Variants in PCGF3 observed in about 807,000 individuals in gnomAD.
PCGF3 encodes polycomb group ring finger 3, also known as polycomb group RING finger protein 3.
In PCGF3, 7 loss-of-function variants were observed where a neutral mutation model predicts 33.1. That is an observed-to-expected ratio of 0.21 (90% CI 0.12 to 0.40). The LOEUF is 0.40. Ranked by LOEUF, PCGF3 falls within the 10% of genes least tolerant of loss-of-function variation. The probability of loss-of-function intolerance (pLI) is 1.00; values close to 1 mark genes in which losing one functional copy is unlikely to be tolerated. For missense variants in PCGF3, 211 were observed against 313.3 expected (o/e 0.67, Z 2.46); for synonymous variants, 153 against 121.3 (o/e 1.26, Z -1.72).
chr4:708,186 G>C (rs1006429550), intron 1 of PCGF3, among the ~76,000 whole-genome samples: 1 of 152,130 alleles, frequency 6.6e-6, no homozygotes, highest in East Asian at 1.9e-4. Context: ...CAGGCTTCTA[G>C]ATGACCAGGA....
rs187007030 is a variant in PCGF3, at chr4:712,037, T to A, written c.-190+6067T>A. 4.6e-5 allele frequency among the ~76,000 whole-genome samples: 7 copies of A among 152,322 alleles called. No individual in the cohort carries two copies. The East Asian group carries it at 9.7e-4, about 21-fold the overall frequency. On this transcript the variant is annotated intron_variant, in intron 1 of 10. Coordinates refer to ENST00000362003, the Ensembl canonical transcript of PCGF3. ...AAATATAGTGAGGTTTAGGGACAGT[T>A]TCCTATTGTTTATCTATTTTTTATT...
chr4:727,258 T>TTTTTTTTA (rs1743370520), intron 1 of PCGF3, among the ~76,000 whole-genome samples: 3 of 135,806 alleles, frequency 2.2e-5, no homozygotes, highest in African/African-American at 2.6e-5. Context: ...TTTTTTTTTT[T>TTTTTTTTA]GAGATGGAGT....
intron 8 of PCGF3, among the ~76,000 whole-genome samples, chr4:751,532 GAC>G (rs544309853): frequency 3.9e-4 from 60 of 152,086 alleles, no homozygotes; most frequent in African/African-American, 1.4e-3. Context: ...TCACACCAGA[GAC>G]AGTCGTTTCT....
intron 6 of PCGF3, among the ~76,000 whole-genome samples, chr4:742,759 A>G (rs971116880): frequency 6.6e-6 from 1 of 152,184 alleles, no homozygotes; most frequent in Non-Finnish European, 1.5e-5. Context: ...GCCGCCGGGC[A>G]GTCTCCTCCC....
intron 1 of PCGF3, among the ~76,000 whole-genome samples, chr4:712,421 G>C (rs183762258): frequency 6.6e-6 from 1 of 151,970 alleles, no homozygotes; most frequent in African/African-American, 2.4e-5. Flanking sequence ...TCTAATATTC[G>C]TGTTTGTTTG....
chr4:734,574 A>C, intron 4 of PCGF3: 7 of 1,164,554 alleles, frequency 6.0e-6, no homozygotes, highest in Non-Finnish European at 7.4e-6. Flanking sequence ...TACGTAGAAG[A>C]TACTGTCATC....
In PCGF3 at chr4:721,679, C is replaced by T. The variant is rs928508137; in HGVS notation, c.-189-8951C>T. Among the ~76,000 whole-genome samples, 30 of 152,202 alleles carry T rather than the reference C, an allele frequency of 2.0e-4. No individual in the cohort carries two copies. Among genetic ancestry groups the T allele is most frequent in the African/African-American group, 7.2e-4 (30 of 41,516 alleles). On this transcript the variant is annotated intron_variant, in intron 1 of 10. Coordinates refer to ENST00000362003, the Ensembl canonical transcript of PCGF3. This position sits in a 1 kb window ranked among gnomAD's most constrained non-coding sequence, Gnocchi z 4.1. ...GTAGGACCCTTAGGGAGACGGGTGG[C>T]TCTGCGTGTGGGTGTGGAGAGAGGC...
chr4:707,199 C>G (rs1283584044), intron 1 of PCGF3, among the ~76,000 whole-genome samples: 1 of 138,366 alleles, frequency 7.2e-6, no homozygotes, highest in South Asian at 2.6e-4. Flanking sequence ...AGGGTCGGAC[C>G]TGGCCACCTG....
intron 9 of PCGF3, chr4:761,914 C>A: frequency 1.0e-6 from 1 of 985,402 alleles, no homozygotes; most frequent in Non-Finnish European, 1.2e-6. Flanking sequence ...TCCAGCTTTG[C>A]ATGGAGACAG....
exon 11 of PCGF3, chr4:766,416 T>G (rs1745376355): frequency 8.9e-6 from 2 of 225,478 alleles, no homozygotes; most frequent in African/African-American, 4.6e-5. Flanking sequence ...GTCTTGAAAA[T>G]CTGAATTCAC....
rs190756454 is a variant in PCGF3, at chr4:711,293, A to G, written c.-190+5323A>G. On this transcript the variant is annotated intron_variant, in intron 1 of 10. Transcript: ENST00000362003. ...CGGCAGGGGCCCTTTGCCGTGGGCT[A>G]GAATTCTTTACTTGGGTTTTTTTAT... Among the ~76,000 whole-genome samples the G allele has an allele frequency of 8.5e-5, 13 of 152,358 alleles. No homozygotes were observed. The East Asian group carries it at 2.5e-3, about 29-fold the overall frequency.
rs1160933953 is a variant in PCGF3, at chr4:720,436, C to T, written c.-189-10194C>T. ...GCTCCGGGAGGTGGGGCTGCCCGTC[C>T]AGAGAGGTGCAGGGTCTCTTGTCAG... On this transcript the variant is annotated intron_variant, in intron 1 of 10. Transcript: ENST00000362003. The surrounding 1 kb of genome is among the most constrained non-coding windows in gnomAD (Gnocchi z 5.6). 6.6e-6 allele frequency among the ~76,000 whole-genome samples: 1 copy of T among 152,162 alleles called. No homozygotes were observed. The highest frequency in any genetic ancestry group is 1.5e-5 in the Non-Finnish European group (1 of 68,014).
At chr4:718,556 C>G (rs1742951344) in intron 1 of PCGF3, among the ~76,000 whole-genome samples, 1 of 152,274 alleles carries the variant, frequency 6.6e-6, no homozygotes, top group Admixed American at 6.5e-5. Flanking sequence ...AGCAGTGAGG[C>G]CTGTCCAGTC....
intron 7 of PCGF3, 152 bp downstream of exon 7, chr4:743,736 C>T (rs911746065): frequency 4.3e-5 from 25 of 581,182 alleles, no homozygotes; most frequent in Middle Eastern, 4.6e-4. Flanking sequence ...GGGTTCAAGG[C>T]GTTCCTCCTC....
At chr4:761,505 T>C in intron 9 of PCGF3, 89 bp downstream of exon 9, 1 of 1,446,204 alleles carries the variant, frequency 6.9e-7, no homozygotes, top group Non-Finnish European at 9.2e-7. Context: ...TTTTGTTTTG[T>C]TTTTAACAAT....
chr4:720,447 A>C lies in PCGF3; in HGVS notation c.-189-10183A>C, dbSNP rs906209494. Among the ~76,000 whole-genome samples, 1 of 152,160 alleles carries C rather than the reference A, an allele frequency of 6.6e-6. No individual in the cohort carries two copies. The highest frequency in any genetic ancestry group is 1.5e-5 in the Non-Finnish European group (1 of 68,006). The stretch of plus-strand genomic sequence containing the variant: ...TGGGGCTGCCCGTCCAGAGAGGTGC[A>C]GGGTCTCTTGTCAGGTGGACAGGGG... On this transcript the variant is annotated intron_variant, in intron 1 of 10. Transcript: ENST00000362003. This position sits in a 1 kb window ranked among gnomAD's most constrained non-coding sequence, Gnocchi z 5.6.
At chr4:767,961 G>A (rs145746716) in exon 11 of PCGF3, 47 of 152,644 alleles carry the variant, frequency 3.1e-4, no homozygotes, top group African/African-American at 8.7e-4. Context: ...CCTGTGTGGC[G>A]GAATAAGAAA....
intron 9 of PCGF3, 138 bp downstream of exon 9, chr4:761,554 C>T (rs1745058787): frequency 1.4e-6 from 2 of 1,385,784 alleles, no homozygotes; most frequent in African/African-American, 1.5e-5. Flanking sequence ...GTTTTGCCTG[C>T]TTCACCGGGG....
intron 1 of PCGF3, among the ~76,000 whole-genome samples, chr4:723,436 T>G (rs951637526): frequency 6.6e-6 from 1 of 151,022 alleles, no homozygotes; most frequent in African/African-American, 2.4e-5. Context: ...GTGACCAGAG[T>G]GGGGTGCCCA....
Sources: allele counts gnomAD v4.1 joint callset (sites outside exome capture counted in the v4.1 genomes callset), GRCh38; gene constraint gnomAD v4.1.1; non-coding constraint Gnocchi (gnomAD v3.1); transcripts MANE v1.5; gene names NCBI Gene and HGNC (gene_info 2026-07-23, HGNC 2026-07-21).